Variants in H6PD observed in about 807,000 individuals in gnomAD.
The protein encoded by H6PD is hexose-6-phosphate dehydrogenase/glucose 1-dehydrogenase.
A neutral mutation model predicts 61.2 loss-of-function variants in H6PD; 48 were observed. The ratio of observed to expected loss-of-function variants is 0.78; its 90% CI spans 0.62 to 1.00. The LOEUF (loss-of-function observed/expected upper bound fraction) is 1.00. H6PD is among the 50% of genes least tolerant of loss of function. The pLI is 0.00. For missense variants in H6PD, 1,093 were observed against 1,065.0 expected, an observed-to-expected ratio of 1.03 and a Z score of -0.37; for synonymous variants, 480 against 457.9, an observed-to-expected ratio of 1.05 and a Z score of -0.62.
Position 9,245,013 on chromosome 1 carries a change from T to C in H6PD, c.79T>C (p.Ser27Pro). 1 of 1,614,140 alleles carries C rather than the reference T, an allele frequency of 6.2e-7. No homozygotes were observed. Among genetic ancestry groups the C allele is most frequent in the East Asian group, 2.2e-5 (1 of 44,874 alleles). Residue 27 changes from serine (S) to proline (P), a missense_variant, in exon 2 of 5, where the codon TCC becomes CCC. Physicochemically the swap from Ser to Pro is moderately conservative, Grantham distance 74 (BLOSUM62 -1). Transcript: ENST00000377403. The surrounding 1 kb of genome is among the most constrained non-coding windows in gnomAD (Gnocchi z 4.8). ...LQAQELQGHV[S>P]IILLGATGDL... ...AGCCCAGGAGCTCCAGGGACATGTC[T>C]CCATAATCCTGCTGGGAGCAACTGG...
At chr1:9,243,649 C>T (rs1429655770) in intron 1 of H6PD, among the ~76,000 whole-genome samples, 1 of 152,162 alleles carries the variant, frequency 6.6e-6, no homozygotes, top group Non-Finnish European at 1.5e-5. Flanking sequence ...AACAGAAGGG[C>T]AGAACAAACA....
At chr1:9,260,797 TCA>T (rs1425540172) in intron 3 of H6PD, among the ~76,000 whole-genome samples, 4 of 152,042 alleles carry the variant, frequency 2.6e-5, no homozygotes, top group African/African-American at 9.7e-5. Context: ...CCTTTTATCG[TCA>T]CAGTTACCCC....
chr1:9,245,032 C>T lies in H6PD; in HGVS notation c.98C>T (p.Ala33Val). The T allele has an allele frequency of 1.2e-6, 2 of 1,614,186 alleles. No homozygotes were observed. The highest frequency in any genetic ancestry group is 1.1e-5 in the South Asian group (1 of 91,082). The part of the protein sequence containing the change: ...QGHVSIILLG[A>V]TGDLAKKYLW... Reference sequence around the variant, plus strand: ...CATGTCTCCATAATCCTGCTGGGAGCAACTGGGGACCTGGCTAAGAAGTAC... The same window carrying T: ...CATGTCTCCATAATCCTGCTGGGAGTAACTGGGGACCTGGCTAAGAAGTAC... Residue 33 changes from alanine (A) to valine (V), a missense_variant, in exon 2 of 5, where the codon GCA becomes GTA. Physicochemically the swap from Ala to Val is moderately conservative, Grantham distance 64. Coordinates refer to ENST00000377403, the MANE Select transcript of H6PD (RefSeq NM_004285.4). This position sits in a 1 kb window ranked among gnomAD's most constrained non-coding sequence, Gnocchi z 4.8.
Position 9,245,679 on chromosome 1 carries a change from C to T in H6PD, c.627+118C>T, listed in dbSNP as rs1186731505. On this transcript the variant is annotated intron_variant, in intron 2 of 4. Coordinates refer to ENST00000377403, the MANE Select transcript of H6PD (RefSeq NM_004285.4). The surrounding 1 kb of genome is among the most constrained non-coding windows in gnomAD (Gnocchi z 4.8). ...CCCAAGGCATTGTGAACTCAGAGCT[C>T]CCATGGTCTCCTTGAAGGTGGGCAG... 4 of 1,012,642 alleles carry T rather than the reference C, an allele frequency of 4.0e-6. No individual in the cohort carries two copies. Among genetic ancestry groups the T allele is most frequent in the Admixed American group, 2.0e-5 (1 of 50,914 alleles). The allele number at this position is 1,012,642 out of a possible 1,614,324, so 62.7% of individuals were successfully genotyped here.
chr1:9,247,062 A>G lies in H6PD; in HGVS notation c.724A>G (p.Lys242Glu), dbSNP rs772030141. ...TGTGGAGCGGGTGGAGATCATCATG[A>G]AAGAGACCGTGGATGCTGAAGGTGT... ...HHVERVEIIM[K>E]ETVDAEGRTS... Residue 242 changes from lysine to glutamate, a missense_variant, in exon 3 of 5, where the codon AAA (lysine) becomes GAA (glutamate). Coordinates refer to ENST00000377403, the MANE Select transcript of H6PD (RefSeq NM_004285.4). The G allele has an allele frequency of 3.7e-6, 6 of 1,611,980 alleles. No individual in the cohort carries two copies. Among genetic ancestry groups the G allele is most frequent in the Non-Finnish European group, 5.1e-6 (6 of 1,178,158 alleles).
chr1:9,264,559 T>G lies in H6PD; in HGVS notation c.2066T>G (p.Val689Gly), dbSNP rs761784820. Residue 689 changes from valine to glycine, a missense_variant, in exon 5 of 5, where the codon GTG (valine) becomes GGG (glycine). Transcript: ENST00000377403. ...GTGGCCAACAGCAGCTTCGACCTGG[T>G]GCTGCTGGGCATGGGTGCCGACGGG... ...ALVANSSFDLVLLGMGADGHT... is the reference protein window; with the variant it reads ...ALVANSSFDLGLLGMGADGHT... 6.2e-7 allele frequency: 1 copy of G among 1,613,174 alleles called. No homozygotes were observed. The highest frequency in any genetic ancestry group is 8.5e-7 in the Non-Finnish European group (1 of 1,179,918).
intron 3 of H6PD, among the ~76,000 whole-genome samples, chr1:9,260,477 T>C (rs1339855226): frequency 2.0e-5 from 3 of 152,298 alleles, no homozygotes; most frequent in Admixed American, 1.3e-4. Flanking sequence ...ACCAGTGTTA[T>C]GTTGCTGTTA....
chr1:9,243,741 C>T (rs1307433261), intron 1 of H6PD, among the ~76,000 whole-genome samples: 2 of 150,354 alleles, frequency 1.3e-5, no homozygotes, highest in African/African-American at 4.9e-5. Context: ...AACACTAGCC[C>T]AGGTGGTTTG....
At chr1:9,244,119 C>T (rs145650858) in intron 1 of H6PD, among the ~76,000 whole-genome samples, 5 of 152,332 alleles carry the variant, frequency 3.3e-5, no homozygotes, top group African/African-American at 1.2e-4. Flanking sequence ...CTCTAATACA[C>T]ATAAGTACTT....
chr1:9,246,897 C>A, intron 2 of H6PD, 69 bp from the exon 3 acceptor site: 1 of 1,080,794 alleles, frequency 9.3e-7, no homozygotes, highest in Non-Finnish European at 1.4e-6. Flanking sequence ...AGAGCCCTTC[C>A]CGGGAGTCAG....
chr1:9,260,318 A>G (rs192768148), intron 3 of H6PD, among the ~76,000 whole-genome samples: 3 of 147,404 alleles, frequency 2.0e-5, no homozygotes, highest in East Asian at 4.1e-4. Flanking sequence ...GTGTTGTTAT[A>G]TTGTTGTTAC....
intron 1 of H6PD, chr1:9,240,167 G>A: frequency 2.4e-6 from 1 of 410,868 alleles, no homozygotes; most frequent in South Asian, 1.3e-4. Flanking sequence ...CTCCCTACAG[G>A]ATGCCCCCAC....
intron 3 of H6PD, among the ~76,000 whole-genome samples, chr1:9,247,457 A>G (rs1380522788): frequency 6.6e-6 from 1 of 150,866 alleles, no homozygotes; most frequent in Non-Finnish European, 1.5e-5. Context: ...TGCCTGGGGC[A>G]CTCCCCCTCG....
Position 9,245,865 on chromosome 1 carries a change from C to T in H6PD, c.627+304C>T, listed in dbSNP as rs1194242675. 6.6e-6 allele frequency among the ~76,000 whole-genome samples: 1 copy of T among 152,108 alleles called. No homozygotes were observed. The highest frequency in any genetic ancestry group is 2.4e-5 in the African/African-American group (1 of 41,418). ...CCCTGCATCCCCTGTAGCGGTGGCT[C>T]AGCAACTCTGGTGTCTGGATCTGGC... On this transcript the variant is annotated intron_variant, in intron 2 of 4. Transcript: ENST00000377403. This position sits in a 1 kb window ranked among gnomAD's most constrained non-coding sequence, Gnocchi z 4.8.
At position 9,245,358 on chromosome 1, in the gene H6PD, T is replaced by C. The variant is rs755512686; in HGVS notation, c.424T>C (p.Phe142Leu). 1.5e-5 allele frequency: 25 copies of C among 1,614,000 alleles called. No individual in the cohort carries two copies. The highest frequency in any genetic ancestry group is 2.2e-5 in the East Asian group (1 of 44,894). Residue 142 changes from phenylalanine to leucine, a missense_variant, in exon 2 of 5, where the codon TTC becomes CTC. Phe to Leu is a conservative substitution (Grantham distance 22). Transcript: ENST00000377403. The surrounding 1 kb of genome is among the most constrained non-coding windows in gnomAD (Gnocchi z 4.8). ...GLREAGRIFY[F>L]SVPPFAYEDI... is the part of the protein sequence containing the mutation. ...CCGGGAGGCTGGCAGGATCTTCTAC[T>C]TCTCAGTGCCACCCTTCGCCTATGA...
At chr1:9,257,886 C>G (rs1012303855) in intron 3 of H6PD, among the ~76,000 whole-genome samples, 5 of 152,250 alleles carry the variant, frequency 3.3e-5, no homozygotes, top group African/African-American at 7.2e-5. Flanking sequence ...CATTGGAACT[C>G]TCCTGCGAGG....
chr1:9,239,935 T>A, intron 1 of H6PD: 1 of 1,176,546 alleles, frequency 8.5e-7, no homozygotes, highest in Non-Finnish European at 1.1e-6. Context: ...CTTCCGCTTG[T>A]GTGAGAACAA....
rs1638444935 is a variant in H6PD, at chr1:9,263,985, C to A, written c.1492C>A (p.Pro498Thr). Reference sequence around the variant, plus strand: ...GCTGGAGAGCCTGGCCCATAAGGCCCCACGCCTCTACCCTGGAGGAGCTGA... The same window carrying A: ...GCTGGAGAGCCTGGCCCATAAGGCCACACGCCTCTACCCTGGAGGAGCTGA... ...PLLESLAHKA[P>T]RLYPGGAENG... is the part of the protein sequence containing the mutation. The change falls in exon 5 of 5, where the codon CCA (proline) becomes ACA (threonine). Residue 498 changes from proline (P) to threonine (T), a missense_variant. Pro to Thr is a conservative substitution (Grantham distance 38, BLOSUM62 -1). Coordinates refer to ENST00000377403, the MANE Select transcript of H6PD (RefSeq NM_004285.4). The A allele has an allele frequency of 6.2e-7, 1 of 1,614,072 alleles. No homozygotes were observed. The highest frequency in any genetic ancestry group is 8.5e-7 in the Non-Finnish European group (1 of 1,180,038).
chr1:9,245,611 T>C lies in H6PD; in HGVS notation c.627+50T>C. ...AGGGCTAGGGTGAGCTGGGCGCTGG[T>C]AGACCCCAGCAACAAAGCCGCTCGC... On this transcript the variant is annotated intron_variant, in intron 2 of 4. Coordinates refer to ENST00000377403, the MANE Select transcript of H6PD (RefSeq NM_004285.4). The surrounding 1 kb of genome is among the most constrained non-coding windows in gnomAD (Gnocchi z 4.8). The C allele has an allele frequency of 1.9e-6, 3 of 1,577,116 alleles. No individual in the cohort carries two copies. The highest frequency in any genetic ancestry group is 2.6e-6 in the Non-Finnish European group (3 of 1,147,128).
Sources: gnomAD v4.1 joint callset for allele counts (sites outside exome capture counted in the v4.1 genomes callset) on GRCh38, gnomAD v4.1.1 for gene constraint, Gnocchi (gnomAD v3.1) non-coding constraint, MANE v1.5 for transcripts, NCBI Gene and HGNC (gene_info 2026-07-23, HGNC 2026-07-21) for gene names.